The following IGSF21 variants were observed in gnomAD, a reference collection of about 807,000 sequenced individuals.
IGSF21 encodes immunoglobulin superfamily member 21.
In IGSF21, 28 loss-of-function variants were observed where a neutral mutation model predicts 46.8. That is an observed-to-expected ratio of 0.60 (90% CI 0.44 to 0.82). The LOEUF (loss-of-function observed/expected upper bound fraction) is 0.82, where lower values mean the gene tolerates loss of function less well. IGSF21 is among the 40% of genes least tolerant of loss of function. The pLI is 0.00. For synonymous variants in IGSF21, 284 were observed against 273.6 expected (o/e 1.04, Z -0.38); for missense variants, 624 against 665.5 (o/e 0.94, Z 0.69).
chr1:18,319,178 A>C (rs1490098905), intron 3 of IGSF21, among the ~76,000 whole-genome samples: 1 of 152,214 alleles, frequency 6.6e-6, no homozygotes, highest in African/African-American at 2.4e-5. Flanking sequence ...TTGATGTTCC[A>C]CTGTGCATGG....
rs1024509192 is a variant in IGSF21 at position 18,203,138 on chromosome 1, T to C, written c.71-24760T>C. ...ACTCAGTTACTGAGACGTTTTCTTA[T>C]CAATCTAGTTTTACTGAAACCTCAT... On this transcript the variant is annotated intron_variant, in intron 1 of 9. Transcript: ENST00000251296. Among the ~76,000 whole-genome samples, 4 of 152,284 alleles carry C rather than the reference T, an allele frequency of 2.6e-5. 1 individual carries two copies. The South Asian group carries it at 8.3e-4, about 32-fold the overall frequency.
rs574647453 is a variant in IGSF21, at chr1:18,322,487, G to A, written c.306-12405G>A. Among the ~76,000 whole-genome samples the A allele has an allele frequency of 5.3e-5, 8 of 152,238 alleles. No individual in the cohort carries two copies. In the South Asian group the frequency reaches 6.2e-4, roughly 12 times the overall value. On this transcript the variant is annotated intron_variant, in intron 3 of 9. Coordinates refer to ENST00000251296, the MANE Select transcript of IGSF21 (RefSeq NM_032880.5). The surrounding 1 kb of genome is among the most constrained non-coding windows in gnomAD (Gnocchi z 4.3). ...CCTGTTAAATAAAGCAATCACGAAC[G>A]ATAGGAAGGAGGCGGCGAGCTCAGC...
rs1248126931 is a variant in IGSF21, at chr1:18,108,011, C to A, written c.-118C>A. ...GCGCCCCCGCGGCTCTCCGCGCTGCCCGCCACCGCCTCGGCCAGTGGCCGG... is the reference window on the plus strand; with the variant it reads ...GCGCCCCCGCGGCTCTCCGCGCTGCACGCCACCGCCTCGGCCAGTGGCCGG... On this transcript the variant is annotated 5_prime_UTR_variant, in exon 1 of 10. Coordinates refer to ENST00000251296, the MANE Select transcript of IGSF21 (RefSeq NM_032880.5). 5.5e-6 allele frequency: 2 copies of A among 360,642 alleles called. No individual in the cohort carries two copies. Among genetic ancestry groups the A allele is most frequent in the South Asian group, 1.1e-4 (1 of 8,760 alleles). 22.3% of individuals were successfully genotyped at this position (360,642 alleles called of 1,614,324 possible).
intron 1 of IGSF21, among the ~76,000 whole-genome samples, chr1:18,164,568 C>T (rs1028434077): frequency 3.9e-5 from 6 of 152,186 alleles, no homozygotes; most frequent in African/African-American, 1.4e-4. Flanking sequence ...TCAGCAAACA[C>T]ACACCTTAGG....
intron 1 of IGSF21, among the ~76,000 whole-genome samples, chr1:18,160,525 TC>T (rs1347426039): frequency 6.6e-6 from 1 of 152,166 alleles, no homozygotes; most frequent in Admixed American, 6.5e-5. Flanking sequence ...CTCTGCACTT[TC>T]TAGCTGGGCG....
chr1:18,155,204 GCTGTGACC>G (rs2086557357), intron 1 of IGSF21, among the ~76,000 whole-genome samples: 1 of 152,176 alleles, frequency 6.6e-6, no homozygotes, highest in South Asian at 2.1e-4. Flanking sequence ...CGCCTCCCCA[GCTGTGACC>G]CCTTGAAGGC....
At chr1:18,295,585 G>A (rs2085304694) in intron 3 of IGSF21, among the ~76,000 whole-genome samples, 1 of 152,214 alleles carries the variant, frequency 6.6e-6, no homozygotes, top group Admixed American at 6.5e-5. Context: ...CATCGAGGAA[G>A]GTGGCACTTG....
chr1:18,313,702 T>C (rs2085513119), intron 3 of IGSF21, among the ~76,000 whole-genome samples: 1 of 152,182 alleles, frequency 6.6e-6, no homozygotes, highest in Non-Finnish European at 1.5e-5. Context: ...AGGATTAATA[T>C]TGCTCCCATT....
intron 1 of IGSF21, among the ~76,000 whole-genome samples, chr1:18,175,909 T>C (rs776658356): frequency 6.6e-6 from 1 of 152,254 alleles, no homozygotes; most frequent in Non-Finnish European, 1.5e-5. Flanking sequence ...GAGAGGGCAG[T>C]GCCTGTTCCC....
At chr1:18,192,128 C>T (rs1245726997) in intron 1 of IGSF21, among the ~76,000 whole-genome samples, 2 of 152,206 alleles carry the variant, frequency 1.3e-5, no homozygotes, top group African/African-American at 2.4e-5. Flanking sequence ...GGACTCTTGG[C>T]GCTGCATTTA....
intron 2 of IGSF21, among the ~76,000 whole-genome samples, chr1:18,258,083 C>T (rs1321752308): frequency 6.6e-6 from 1 of 152,160 alleles, no homozygotes; most frequent in East Asian, 1.9e-4. Context: ...CCTCTGTTGG[C>T]TTCTTCAATT....
intron 1 of IGSF21, among the ~76,000 whole-genome samples, chr1:18,142,740 G>A (rs1481003556): frequency 6.6e-6 from 1 of 152,218 alleles, no homozygotes; most frequent in Admixed American, 6.5e-5. Flanking sequence ...AAATTGGGGG[G>A]CTGATTAGCG....
intron 3 of IGSF21, among the ~76,000 whole-genome samples, chr1:18,319,246 C>T (rs1389730787): frequency 6.6e-6 from 1 of 152,204 alleles, no homozygotes; most frequent in Non-Finnish European, 1.5e-5. Context: ...CCAGCCATTA[C>T]ATCTACATTC....
chr1:18,291,504 CTCCATGATCTG>C (rs1236645097), intron 2 of IGSF21, among the ~76,000 whole-genome samples: 1 of 152,230 alleles, frequency 6.6e-6, no homozygotes, highest in Non-Finnish European at 1.5e-5. Context: ...TGTGGAGACC[CTCCATGATCTG>C]GCCCACATTT....
intron 1 of IGSF21, among the ~76,000 whole-genome samples, chr1:18,225,129 A>ACACACACACACACACACAC (rs1491338920): frequency 4.9e-5 from 7 of 143,830 alleles, no homozygotes; most frequent in East Asian, 2.1e-4. Context: ...ACACACACAC[A>ACACACACACACACACACAC]AAGAAATCAT....
At chr1:18,301,615 C>T (rs2085362977) in intron 3 of IGSF21, among the ~76,000 whole-genome samples, 1 of 152,204 alleles carries the variant, frequency 6.6e-6, no homozygotes, top group African/African-American at 2.4e-5. Flanking sequence ...GCTGGGATTA[C>T]AGGCATGAGC....
At chr1:18,165,070 T>C (rs1424210932) in intron 1 of IGSF21, among the ~76,000 whole-genome samples, 5 of 152,098 alleles carry the variant, frequency 3.3e-5, no homozygotes, top group African/African-American at 1.2e-4. Flanking sequence ...GAACTCATCA[T>C]TTTTTGTGGC....
At chr1:18,161,024 C>T (rs1054836825) in intron 1 of IGSF21, among the ~76,000 whole-genome samples, 2 of 152,134 alleles carry the variant, frequency 1.3e-5, no homozygotes, top group Non-Finnish European at 2.9e-5. Context: ...GAGCTTTAGG[C>T]CTCTGTTCCT....
Position 18,273,463 on chromosome 1 carries a change from T to A in IGSF21, c.184-18403T>A, listed in dbSNP as rs1201190109. ...CTTTCTCACTTTCTTTCTTTCTCTCTCTTTCTTTCTTTCTTTCTTTCTTTC... is the reference window on the plus strand; with the variant it reads ...CTTTCTCACTTTCTTTCTTTCTCTCACTTTCTTTCTTTCTTTCTTTCTTTC... On this transcript the variant is annotated intron_variant, in intron 2 of 9. Transcript: ENST00000251296. 3.1e-3 allele frequency among the ~76,000 whole-genome samples: 19 copies of A among 6,046 alleles called. 1 individual carries two copies. The highest frequency in any genetic ancestry group is 0.021 in the East Asian group (2 of 96). 4.0% of individuals were successfully genotyped at this position (6,046 alleles called of 152,430 possible). A position where few individuals can be genotyped will look rare whatever the true frequency, so the allele number is the denominator to read the frequency against.
Sources: gnomAD v4.1 joint callset for allele counts (sites outside exome capture counted in the v4.1 genomes callset) on GRCh38, gnomAD v4.1.1 for gene constraint, Gnocchi (gnomAD v3.1) non-coding constraint, MANE v1.5 for transcripts, NCBI Gene and HGNC (gene_info 2026-07-23, HGNC 2026-07-21) for gene names.